CARF: variants seen among roughly 807,000 people sequenced by gnomAD.
The protein encoded by CARF is calcium-responsive transcription factor.
Under a neutral mutation model 82.0 loss-of-function variants are expected in CARF, and 57 were observed. The ratio of observed to expected loss-of-function variants is 0.70; its 90% CI spans 0.56 to 0.87. The LOEUF is 0.87. Ranked by LOEUF, CARF falls within the 40% of genes least tolerant of loss-of-function variation. CARF has a pLI of 0.00. For synonymous variants in CARF, 268 were observed against 290.1 expected (o/e 0.92, Z 0.77); for missense variants, 771 against 855.8 (o/e 0.90, Z 1.24).
intron 2 of CARF, among the ~76,000 whole-genome samples, chr2:202,923,836 A>C (rs1691304503): frequency 6.6e-6 from 1 of 152,226 alleles, no homozygotes; most frequent in East Asian, 1.9e-4. Flanking sequence ...GTAACAGCCA[A>C]CTGATTTTCG....
At chr2:202,962,919 A>G (rs1282514417) in intron 9 of CARF, 1 of 152,220 alleles carries the variant, frequency 6.6e-6, no homozygotes. Context: ...TCCACACTAT[A>G]TATACTTTAA....
chr2:202,921,127 A>G (rs1359277091), intron 2 of CARF, among the ~76,000 whole-genome samples: 2 of 152,066 alleles, frequency 1.3e-5, no homozygotes, highest in African/African-American at 4.8e-5. Flanking sequence ...TCAGCCTCCC[A>G]GGTAGCTGGG....
Position 202,941,952 on chromosome 2 carries a change from A to G in CARF, c.50A>G (p.Glu17Gly). 6.2e-7 allele frequency: 1 copy of G among 1,613,728 alleles called. No homozygotes were observed. Among genetic ancestry groups the G allele is most frequent in the Non-Finnish European group, 8.5e-7 (1 of 1,179,762 alleles). The change falls in exon 4 of 17, where the codon GAG (glutamate) becomes GGG (glycine). Residue 17 changes from glutamate (E) to glycine (G), a missense_variant. Coordinates refer to ENST00000438828, the MANE Select transcript of CARF (RefSeq NM_024744.17). ...AGAGTCAACCATAATGACGGTGAAGAGTCAAAAACCAGTGCTCAAGTATTT... is the reference window on the plus strand; with the variant it reads ...AGAGTCAACCATAATGACGGTGAAGGGTCAAAAACCAGTGCTCAAGTATTT... ...SLRVNHNDGE[E>G]SKTSAQVFEH...
chr2:202,969,428 A>G (rs911557270), intron 10 of CARF, among the ~76,000 whole-genome samples: 1 of 151,904 alleles, frequency 6.6e-6, no homozygotes, highest in African/African-American at 2.4e-5. Flanking sequence ...ATACAAAATT[A>G]GCCGGGAGTG....
rs1021316113 is a variant in CARF, at chr2:202,985,345, C to T, written c.*1721C>T. On this transcript the variant is annotated 3_prime_UTR_variant, in exon 17 of 17. Transcript: ENST00000438828. ...ATGACATGTATCTAAATATAAAGTA[C>T]TGTTATAGTAGAGGTAGGTGGAATT... 1 of 151,892 alleles carries T rather than the reference C, an allele frequency of 6.6e-6. No homozygotes were observed. The highest frequency in any genetic ancestry group is 1.5e-5 in the Non-Finnish European group (1 of 67,970). The allele number at this position is 151,892 out of a possible 1,614,324, so 9.4% of individuals were successfully genotyped here.
intron 3 of CARF, among the ~76,000 whole-genome samples, chr2:202,926,166 T>C (rs72936872): frequency 0.089 from 13,570 of 152,258 alleles, 744 homozygotes; most frequent in Non-Finnish European, 0.12. Context: ...GGGAGGCAAC[T>C]GTGCAGGGAA....
chr2:202,914,396 C>CA (rs1474645702), intron 1 of CARF, among the ~76,000 whole-genome samples: 2 of 152,244 alleles, frequency 1.3e-5, no homozygotes, highest in East Asian at 3.9e-4. Context: ...AAGCCTAATG[C>CA]ACTCTGTGAT....
At chr2:202,914,478 A>G (rs1689220133) in intron 1 of CARF, among the ~76,000 whole-genome samples, 1 of 152,116 alleles carries the variant, frequency 6.6e-6, no homozygotes, top group African/African-American at 2.4e-5. Flanking sequence ...CCTCAGAGTC[A>G]TTGTAAGGAT....
chr2:202,982,407 T>G lies in CARF; in HGVS notation c.2025T>G (p.Ile675Met), dbSNP rs777340110. 1 of 1,613,998 alleles carries G rather than the reference T, an allele frequency of 6.2e-7. No individual in the cohort carries two copies. Among genetic ancestry groups the G allele is most frequent in the African/African-American group, 1.3e-5 (1 of 74,932 alleles). ...TTCTGTTGGGAGATGTGCAGACTATTCCAATACAGATTATAGACAACCACT... is the reference window on the plus strand; with the variant it reads ...TTCTGTTGGGAGATGTGCAGACTATGCCAATACAGATTATAGACAACCACT... ...HRILLGDVQT[I>M]PIQIIDNHSA... The change falls in exon 16 of 17, where the codon ATT (isoleucine) becomes ATG (methionine). Residue 675 changes from isoleucine to methionine, a missense_variant. Coordinates refer to ENST00000438828, the MANE Select transcript of CARF (RefSeq NM_024744.17).
chr2:202,946,553 G>GA (rs2058507965), intron 5 of CARF, among the ~76,000 whole-genome samples: 1 of 152,144 alleles, frequency 6.6e-6, no homozygotes, highest in African/African-American at 2.4e-5. Flanking sequence ...AACCCTAGAA[G>GA]AAAACCTAGG....
chr2:202,967,249 C>G (rs972689955), intron 10 of CARF, 151 bp downstream of exon 10: 2 of 828,164 alleles, frequency 2.4e-6, no homozygotes, highest in African/African-American at 3.5e-5. Context: ...TTTAAAGCAA[C>G]AACTCTTACT....
Position 202,987,414 on chromosome 2 carries a change from T to A in CARF, c.*3790T>A, listed in dbSNP as rs2060483905. Among the ~76,000 whole-genome samples the A allele has an allele frequency of 6.6e-6, 1 of 152,158 alleles. No individual in the cohort carries two copies. The highest frequency in any genetic ancestry group is 6.5e-5 in the Admixed American group (1 of 15,274). On this transcript the variant is annotated 3_prime_UTR_variant, in exon 17 of 17. Coordinates refer to ENST00000438828, the MANE Select transcript of CARF (RefSeq NM_024744.17). ...CCTATTTTTGAGGACCTTGAAAATC[T>A]TAATCTCTCCAGAAGGGATACTGCA... is the stretch of plus-strand genomic sequence containing the variant.
chr2:202,918,243 A>G (rs1317517199), intron 2 of CARF, among the ~76,000 whole-genome samples, 200 bp downstream of exon 2: 1 of 152,172 alleles, frequency 6.6e-6, no homozygotes, highest in Non-Finnish European at 1.5e-5. Flanking sequence ...TGACAGGGCC[A>G]GGCGCGGTGG....
rs964157045 is a variant in CARF, at chr2:202,972,416, C to T, written c.1331+678C>T. Among the ~76,000 whole-genome samples the T allele has an allele frequency of 7.2e-5, 11 of 151,892 alleles. 1 individual carries two copies. Among genetic ancestry groups the T allele is most frequent in the East Asian group, 1.9e-4 (1 of 5,182 alleles). On this transcript the variant is annotated intron_variant, in intron 12 of 16. Transcript: ENST00000438828. ...TGGCAGAGTCAGGCGCAGTGGCTCA[C>T]GCCTGTAATCCCAGCACTTTGGGAG...
chr2:202,922,508 T>G (rs918925484), intron 2 of CARF, among the ~76,000 whole-genome samples: 7 of 152,186 alleles, frequency 4.6e-5, no homozygotes, highest in African/African-American at 1.4e-4. Context: ...GAGAAAGAAA[T>G]AAAGAGCATT....
intron 8 of CARF, among the ~76,000 whole-genome samples, chr2:202,958,009 G>C (rs1241589935): frequency 6.6e-6 from 1 of 151,864 alleles, no homozygotes; most frequent in Non-Finnish European, 1.5e-5. Flanking sequence ...ATAAAAATTA[G>C]ACTTTTTGAG....
At chr2:202,932,549 G>A (rs779504975) in intron 3 of CARF, among the ~76,000 whole-genome samples, 6 of 152,086 alleles carry the variant, frequency 3.9e-5, no homozygotes, top group Non-Finnish European at 7.4e-5. Context: ...AGCCAATAGG[G>A]CTCGGTGGTA....
At chr2:202,961,104 A>G (rs913923718) in intron 8 of CARF, 133 bp from the exon 9 acceptor site, 2 of 713,498 alleles carry the variant, frequency 2.8e-6, no homozygotes, top group African/African-American at 3.6e-5. Flanking sequence ...GTAATAGACC[A>G]TTGATCTGAG....
intron 10 of CARF, among the ~76,000 whole-genome samples, chr2:202,968,015 T>G (rs2105903643): frequency 6.6e-6 from 1 of 152,334 alleles, no homozygotes; most frequent in South Asian, 2.1e-4. Flanking sequence ...TTTTAAACTA[T>G]TAAGTAAAAT....
Sources: gnomAD v4.1 joint callset for allele counts (sites outside exome capture counted in the v4.1 genomes callset) on GRCh38, gnomAD v4.1.1 for gene constraint, MANE v1.5 for transcripts, NCBI Gene and HGNC (gene_info 2026-07-23, HGNC 2026-07-21) for gene names.